The following EXOC3L4 variants were observed in gnomAD, a reference collection of about 807,000 sequenced individuals.
EXOC3L4 encodes exocyst complex component 3 like 4.
EXOC3L4 carries 62 observed loss-of-function variants against 69.7 expected under a neutral mutation model. The observed-to-expected ratio is 0.89, with a 90% CI of 0.72 to 1.10. The LOEUF (loss-of-function observed/expected upper bound fraction) is 1.10. Among genes scored for constraint, EXOC3L4 ranks in the 50% least tolerant of loss-of-function variants. The pLI is 0.00. For missense variants in EXOC3L4, 1,087 were observed against 1,034.8 expected (o/e 1.05, Z -0.69); for synonymous variants, 502 against 464.2 (o/e 1.08, Z -1.05).
intron 7 of EXOC3L4, among the ~76,000 whole-genome samples, chr14:103,105,328 G>T (rs1272427924): frequency 1.3e-5 from 2 of 151,454 alleles, no homozygotes; most frequent in African/African-American, 4.9e-5. Flanking sequence ...AGCTGAGGCT[G>T]TGTGTGTGCG....
At position 103,103,969 on chromosome 14, in the gene EXOC3L4, GCGCTGCCCGCCGAGC is replaced by G; in HGVS notation, c.1086_1100del (p.Ala363_Pro367del). On this transcript the variant is annotated inframe_deletion, in exon 4 of 12. Transcript: ENST00000688303. ...TGACTTCCTGGGCGCCCCGGGGCTG[GCGCTGCCCGCCGAGC>G]CGCTGCCTCCGCTCCTGGCGCCGGA... 6.5e-7 allele frequency: 1 copy of G among 1,549,586 alleles called. No individual in the cohort carries two copies. The highest frequency in any genetic ancestry group is 8.7e-7 in the Non-Finnish European group (1 of 1,153,340).
rs747551119 is a variant in EXOC3L4, at chr14:103,108,561, AG to A, written c.1976+47del. The stretch of plus-strand genomic sequence containing the variant: ...TCCACTAGCTTCCTACCAGAGCTTC[AG>A]GGCCAAGGGGGCTGGTATTGGAGCA... On this transcript the variant is annotated intron_variant, in intron 11 of 11. Coordinates refer to ENST00000688303, the MANE Select transcript of EXOC3L4 (RefSeq NM_001077594.2). The A allele has an allele frequency of 7.5e-6, 12 of 1,598,394 alleles. No homozygotes were observed. The African/African-American group carries it at 1.5e-4, about 20-fold the overall frequency.
At chr14:103,104,600 T>C (rs1318874706) in intron 5 of EXOC3L4, 138 bp from the exon 6 acceptor site, 6 of 1,217,828 alleles carry the variant, frequency 4.9e-6, no homozygotes, top group Non-Finnish European at 5.4e-6. Flanking sequence ...GACTCTCCAG[T>C]TGGGCGGCTG....
chr14:103,110,085 C>G lies in EXOC3L4; in HGVS notation c.2031C>G (p.Asn677Lys), dbSNP rs1020954725. ...LALRRLGRQR[N>K]QHLLQHTQDL... ...TGCGCCGACTGGGCCGCCAGCGGAACCAGCATCTCTTGCAGCACACTCAAG... is the reference window on the plus strand; with the variant it reads ...TGCGCCGACTGGGCCGCCAGCGGAAGCAGCATCTCTTGCAGCACACTCAAG... The change falls in exon 12 of 12, where the codon AAC (asparagine) becomes AAG (lysine). Residue 677 changes from asparagine to lysine, a missense_variant. Coordinates refer to ENST00000688303, the MANE Select transcript of EXOC3L4 (RefSeq NM_001077594.2). 2 of 1,597,986 alleles carry G rather than the reference C, an allele frequency of 1.3e-6. No individual in the cohort carries two copies. Among genetic ancestry groups the G allele is most frequent in the African/African-American group, 2.7e-5 (2 of 74,958 alleles).
In EXOC3L4 at chr14:103,100,438, G is replaced by T; in HGVS notation, c.219G>T (p.Thr73=). The stretch of plus-strand genomic sequence containing the variant: ...TGACCCAGGTCTCCAAGGAAGATAC[G>T]GGCCTGTTCCGGCGAAGCTCCTGCT... ...RALTQVSKED[T]GLFRRSSCSL... The change falls in exon 2 of 12, where the codon ACG becomes ACT. Residue 73 remains threonine (T), a synonymous_variant. Coordinates refer to ENST00000688303, the MANE Select transcript of EXOC3L4 (RefSeq NM_001077594.2). 6.2e-7 allele frequency: 1 copy of T among 1,613,318 alleles called. No individual in the cohort carries two copies. The highest frequency in any genetic ancestry group is 8.5e-7 in the Non-Finnish European group (1 of 1,179,890).
intron 1 of EXOC3L4, among the ~76,000 whole-genome samples, chr14:103,096,486 G>A (rs1449220692): frequency 6.6e-6 from 1 of 150,518 alleles, no homozygotes; most frequent in Non-Finnish European, 1.5e-5. Context: ...GGTAGCTGTT[G>A]CCAGCTCAAA....
intron 4 of EXOC3L4, 107 bp downstream of exon 4, chr14:103,104,159 C>T (rs915915234): frequency 2.1e-6 from 3 of 1,447,454 alleles, no homozygotes; most frequent in East Asian, 5.3e-5. Flanking sequence ...CTGGTTCACC[C>T]TGTGGCCCCC....
Position 103,107,410 on chromosome 14 carries a change from C to G in EXOC3L4, c.1582-14C>G. 6.2e-7 allele frequency: 1 copy of G among 1,610,954 alleles called. No individual in the cohort carries two copies. Among genetic ancestry groups the G allele is most frequent in the South Asian group, 1.1e-5 (1 of 91,024 alleles). ...TAGTGCACATTTGCAGACTCCCAGCCCCTCTGTCCCCAGCCGCTCTTCAGG... is the reference window on the plus strand; with the variant it reads ...TAGTGCACATTTGCAGACTCCCAGCGCCTCTGTCCCCAGCCGCTCTTCAGG... On this transcript the variant is annotated splice_polypyrimidine_tract_variant and intron_variant, in intron 8 of 11. Coordinates refer to ENST00000688303, the MANE Select transcript of EXOC3L4 (RefSeq NM_001077594.2).
At chr14:103,098,026 G>A (rs1889975832) in intron 1 of EXOC3L4, among the ~76,000 whole-genome samples, 1 of 152,072 alleles carries the variant, frequency 6.6e-6, no homozygotes, top group South Asian at 2.1e-4. Flanking sequence ...TGGGAAGGTC[G>A]AGAATAGCTT....
Position 103,107,702 on chromosome 14 carries a change from G to T in EXOC3L4, c.1773G>T (p.Arg591=). 1 of 1,554,402 alleles carries T rather than the reference G, an allele frequency of 6.4e-7. No homozygotes were observed. The highest frequency in any genetic ancestry group is 8.7e-7 in the Non-Finnish European group (1 of 1,148,102). ...CGCGGGCGCTGAGGCCACGGGAGCG[G>T]TTCCGGGGCATGGAGCGCATGCATG... ...YLARALRPRE[R]FRGMERMHGS... Residue 591 remains arginine, a synonymous_variant, in exon 10 of 12, where the codon CGG becomes CGT. Coordinates refer to ENST00000688303, the MANE Select transcript of EXOC3L4 (RefSeq NM_001077594.2).
intron 7 of EXOC3L4, among the ~76,000 whole-genome samples, chr14:103,105,895 G>GT (rs1184228893): frequency 2.6e-5 from 4 of 152,346 alleles, no homozygotes; most frequent in Non-Finnish European, 5.9e-5. Flanking sequence ...AAGAACAGCT[G>GT]TGCCACCTGC....
At position 103,095,429 on chromosome 14, in the gene EXOC3L4, C is replaced by T. The variant is rs563211271; in HGVS notation, c.-17+589C>T. Reference sequence around the variant, plus strand: ...GAACATGGTATGGGCTCAGCTGGTCCGGGAAGGCTTCTTGGGGGAGGAGCC... The same window carrying T: ...GAACATGGTATGGGCTCAGCTGGTCTGGGAAGGCTTCTTGGGGGAGGAGCC... On this transcript the variant is annotated intron_variant, in intron 1 of 11. Transcript: ENST00000688303. 7.2e-5 allele frequency among the ~76,000 whole-genome samples: 11 copies of T among 152,278 alleles called. No individual in the cohort carries two copies. In the South Asian group the frequency reaches 1.5e-3, roughly 20 times the overall value.
Position 103,110,022 on chromosome 14 carries a change from T to A in EXOC3L4, c.1977-9T>A. On this transcript the variant is annotated splice_polypyrimidine_tract_variant and intron_variant, in intron 11 of 11. Transcript: ENST00000688303. ...TAGGTCTGCAGTGAGTGCCCGCATGTCTCTGCAGGCGGGACCACATACTGG... is the reference window on the plus strand; with the variant it reads ...TAGGTCTGCAGTGAGTGCCCGCATGACTCTGCAGGCGGGACCACATACTGG... The A allele has an allele frequency of 2.5e-6, 4 of 1,586,440 alleles. No homozygotes were observed. Among genetic ancestry groups the A allele is most frequent in the Non-Finnish European group, 3.4e-6 (4 of 1,167,958 alleles).
intron 5 of EXOC3L4, 144 bp downstream of exon 5, chr14:103,104,533 G>T: frequency 7.4e-7 from 1 of 1,353,524 alleles, no homozygotes; most frequent in South Asian, 1.7e-5. Context: ...GGGGAAATCG[G>T]GGACCCCCGG....
intron 6 of EXOC3L4, 25 bp downstream of exon 6, chr14:103,104,863 A>G: frequency 4.0e-6 from 6 of 1,515,898 alleles, no homozygotes; most frequent in Non-Finnish European, 5.3e-6. Context: ...TCAGTAGGGG[A>G]GCGACCTGGC....
In EXOC3L4 at chr14:103,097,580, G is replaced by A. The variant is rs760564981; in HGVS notation, c.-16-2624G>A. On this transcript the variant is annotated intron_variant, in intron 1 of 11. Coordinates refer to ENST00000688303, the MANE Select transcript of EXOC3L4 (RefSeq NM_001077594.2). This position sits in a 1 kb window ranked among gnomAD's most constrained non-coding sequence, Gnocchi z 4.9. The stretch of plus-strand genomic sequence containing the variant: ...AGGGCGACCCTGATACCGATGTTCC[G>A]CCTGCTTCCAGGCTGTGCTCAGGGG... 8.5e-5 allele frequency among the ~76,000 whole-genome samples: 13 copies of A among 152,152 alleles called. No individual in the cohort carries two copies. Among genetic ancestry groups the A allele is most frequent in the Non-Finnish European group, 1.9e-4 (13 of 68,012 alleles).
At chr14:103,100,724 C>T in intron 2 of EXOC3L4, 111 bp downstream of exon 2, 1 of 1,314,062 alleles carries the variant, frequency 7.6e-7, no homozygotes, top group South Asian at 1.6e-5. Flanking sequence ...AAACCCTGCC[C>T]CCGAACATGT....
chr14:103,094,485 C>A (rs533819655), upstream of EXOC3L4, among the ~76,000 whole-genome samples: 26 of 152,318 alleles, frequency 1.7e-4, 1 homozygote, highest in Admixed American at 9.8e-4. Flanking sequence ...GCGTCCACCC[C>A]CTGCTGCCTC....
At chr14:103,105,121 G>A in intron 7 of EXOC3L4, 49 bp downstream of exon 7, 3 of 1,558,172 alleles carry the variant, frequency 1.9e-6, no homozygotes, top group South Asian at 1.2e-5. Context: ...AGCAGGGGGC[G>A]CGCGAGCGCC....
Sources: gnomAD v4.1 joint callset for allele counts (sites outside exome capture counted in the v4.1 genomes callset) on GRCh38, gnomAD v4.1.1 for gene constraint, Gnocchi (gnomAD v3.1) non-coding constraint, MANE v1.5 for transcripts, NCBI Gene and HGNC (gene_info 2026-07-23, HGNC 2026-07-21) for gene names.